Variants in SATB2 observed in about 807,000 individuals in gnomAD.
SATB2 encodes the protein DNA-binding protein SATB2.
A neutral mutation model predicts 73.4 loss-of-function variants in SATB2; 1 was observed. The ratio of observed to expected loss-of-function variants is 0.01; its 90% CI spans 0.00 to 0.06. The LOEUF (loss-of-function observed/expected upper bound fraction) is 0.06, where lower values mean the gene tolerates loss of function less well. SATB2 is among the 10% of genes least tolerant of loss of function. The probability of loss-of-function intolerance (pLI) is 1.00; values close to 1 mark genes in which losing one functional copy is unlikely to be tolerated. For missense variants in SATB2, 459 were observed against 945.8 expected, an observed-to-expected ratio of 0.49 and a Z score of 6.75; for synonymous variants, 397 against 367.0, an observed-to-expected ratio of 1.08 and a Z score of -0.93.
At chr2:199,469,854 A>G, upstream of SATB2, 1 of 152,300 alleles carries the variant, frequency 6.6e-6, no homozygotes, top group East Asian at 1.9e-4. Context: ...CACCTATTAC[A>G]TTTTTCCGGA....
intron 10 of SATB2, among the ~76,000 whole-genome samples, chr2:199,297,856 T>C (rs149833513): frequency 5.5e-4 from 84 of 152,150 alleles, no homozygotes; most frequent in Non-Finnish European, 9.7e-4. Flanking sequence ...CATTTTATTA[T>C]GCTCTACAGA....
At chr2:199,321,386 T>G (rs2105785872) in intron 9 of SATB2, among the ~76,000 whole-genome samples, 1 of 116,366 alleles carries the variant, frequency 8.6e-6, no homozygotes, top group East Asian at 2.7e-4. Context: ...CATAGACATA[T>G]ATATGTCTAT....
chr2:199,386,706 GCGCGCGCGCGCACACACACA>G (rs775973888), intron 3 of SATB2, among the ~76,000 whole-genome samples: 4,323 of 95,932 alleles, frequency 0.045, 116 homozygotes, highest in East Asian at 0.1. Flanking sequence ...GCGCGCGCGC[GCGCGCGCGCGCACACACACA>G]CACACACACA....
intron 3 of SATB2, among the ~76,000 whole-genome samples, chr2:199,410,175 C>T (rs1179480700): frequency 3.3e-5 from 5 of 152,158 alleles, no homozygotes; most frequent in African/African-American, 4.8e-5. Flanking sequence ...GAATATCGGG[C>T]ACAGATTCTT....
chr2:199,461,049 C>A (rs1324138918), upstream of SATB2, among the ~76,000 whole-genome samples: 1 of 152,266 alleles, frequency 6.6e-6, no homozygotes, highest in Non-Finnish European at 1.5e-5. Context: ...TTTAAAGTTG[C>A]ATTAAACTTA....
intron 7 of SATB2, among the ~76,000 whole-genome samples, chr2:199,344,252 C>T (rs1234442484): frequency 6.6e-6 from 1 of 152,080 alleles, no homozygotes; most frequent in African/African-American, 2.4e-5. Flanking sequence ...AACACACACA[C>T]ACAACACACA....
chr2:199,371,722 T>A (rs532992316), intron 5 of SATB2, among the ~76,000 whole-genome samples: 1 of 152,318 alleles, frequency 6.6e-6, no homozygotes, highest in African/African-American at 2.4e-5. Flanking sequence ...ACTGTTAGGA[T>A]CCATATCTTT....
chr2:199,368,890 A>T (rs1412532576), intron 5 of SATB2, 183 bp from the exon 6 acceptor site: 3 of 523,638 alleles, frequency 5.7e-6, no homozygotes, highest in Non-Finnish European at 1.0e-5. Context: ...TTTAATTTAT[A>T]CAATGATAGT....
chr2:199,296,554 T>C (rs767852199), intron 10 of SATB2, among the ~76,000 whole-genome samples: 3 of 152,088 alleles, frequency 2.0e-5, no homozygotes, highest in Admixed American at 6.6e-5. Context: ...TAGCTAGGGA[T>C]GGTAGTGTGC....
intron 2 of SATB2, among the ~76,000 whole-genome samples, chr2:199,451,142 A>T (rs1457567899): frequency 6.6e-6 from 1 of 151,408 alleles, no homozygotes. Context: ...ACTGCACTAC[A>T]GATGATCTTG....
intron 2 of SATB2, among the ~76,000 whole-genome samples, chr2:199,436,369 C>G (rs1373359664): frequency 6.6e-6 from 1 of 151,386 alleles, no homozygotes; most frequent in Non-Finnish European, 1.5e-5. Flanking sequence ...TAGCTGACAA[C>G]AGTAATGACT....
intron 3 of SATB2, among the ~76,000 whole-genome samples, chr2:199,383,749 G>C (rs1689846390): frequency 6.6e-6 from 1 of 152,200 alleles, no homozygotes. Flanking sequence ...AGCTGTTGTG[G>C]TGTCAGTAGT....
intron 9 of SATB2, among the ~76,000 whole-genome samples, chr2:199,317,280 A>T (rs1687761803): frequency 6.6e-6 from 1 of 152,094 alleles, no homozygotes; most frequent in Admixed American, 6.5e-5. Flanking sequence ...AGAAGATTAA[A>T]TAGTCTCAAC....
chr2:199,458,424 C>T (rs1270193602), upstream of SATB2: 3 of 381,440 alleles, frequency 7.9e-6, no homozygotes, highest in South Asian at 1.8e-5. Flanking sequence ...ATGCACGAGG[C>T]GGCGAAGGAC....
chr2:199,316,706 C>T (rs1687745041), intron 9 of SATB2, among the ~76,000 whole-genome samples: 1 of 151,996 alleles, frequency 6.6e-6, no homozygotes, highest in African/African-American at 2.4e-5. Flanking sequence ...TTTTGTTGCC[C>T]TCCTTAGCAT....
chr2:199,419,198 C>T (rs984490574), intron 3 of SATB2, among the ~76,000 whole-genome samples: 3 of 152,158 alleles, frequency 2.0e-5, no homozygotes, highest in East Asian at 1.9e-4. Flanking sequence ...CTCACAACAT[C>T]CAGATTTTGA....
At chr2:199,369,924 C>A (rs1689393405) in intron 5 of SATB2, among the ~76,000 whole-genome samples, 1 of 152,096 alleles carries the variant, frequency 6.6e-6, no homozygotes, top group African/African-American at 2.4e-5. Context: ...TTAGCCCTCC[C>A]CAGTTGCTGA....
intron 7 of SATB2, among the ~76,000 whole-genome samples, chr2:199,335,471 T>A (rs1371835777): frequency 6.6e-6 from 1 of 152,196 alleles, no homozygotes; most frequent in East Asian, 1.9e-4. Flanking sequence ...ACAGCAATAG[T>A]TCTACCTCAC....
At chr2:199,367,585 T>G (rs1164672504) in intron 6 of SATB2, among the ~76,000 whole-genome samples, 1 of 152,128 alleles carries the variant, frequency 6.6e-6, no homozygotes, top group Non-Finnish European at 1.5e-5. Flanking sequence ...AGAAACAAAT[T>G]CATCCTTTAC....
Sources: gnomAD v4.1 joint callset for allele counts (sites outside exome capture counted in the v4.1 genomes callset) on GRCh38, gnomAD v4.1.1 for gene constraint, MANE v1.5 for transcripts, NCBI Gene and HGNC (gene_info 2026-07-23, HGNC 2026-07-21) for gene names.